EXOSC9: variants seen among roughly 807,000 people sequenced by gnomAD.
EXOSC9 encodes the protein exosome complex component RRP45.
A neutral mutation model predicts 56.5 loss-of-function variants in EXOSC9; 38 were observed. The ratio of observed to expected loss-of-function variants is 0.67; its 90% CI spans 0.52 to 0.88. The LOEUF is 0.88. EXOSC9 is among the 40% of genes least tolerant of loss of function. The pLI is 0.00. For missense variants in EXOSC9, 559 were observed against 530.5 expected (o/e 1.05, Z -0.53); for synonymous variants, 170 against 170.8 (o/e 0.99, Z 0.04).
chr4:121,816,860 T>TAACA lies in EXOSC9; in HGVS notation c.*5_*8dup, dbSNP rs746570518. ...AAAGAAGAGAGCTGCCAATTAAAGC[T>TAACA]AACAGTTGTATATCTGTATATATAA... On this transcript the variant is annotated 3_prime_UTR_variant, in exon 12 of 12. Transcript: ENST00000243498. 71 of 1,574,658 alleles carry TAACA rather than the reference T, an allele frequency of 4.5e-5. No homozygotes were observed. The highest frequency in any genetic ancestry group is 4.4e-4 in the South Asian group (38 of 86,392).
In EXOSC9 at chr4:121,804,622, G is replaced by T. The variant is rs771753934; in HGVS notation, c.385G>T (p.Val129Phe). The change falls in exon 5 of 12, where the codon GTT becomes TTT. Residue 129 changes from valine (V) to phenylalanine (F), a missense_variant and splice_region_variant. Physicochemically the swap from Val to Phe is conservative, Grantham distance 50. Coordinates refer to ENST00000243498, the MANE Select transcript of EXOSC9 (RefSeq NM_005033.3). ...ATTTTTATTTTAAATTCACTATCAG[G>T]TTTGGCAAATACGTGTAGACCTACA... ...ESLCVVAGEKVWQIRVDLHLL... is the reference protein window; with the variant it reads ...ESLCVVAGEKFWQIRVDLHLL... 4 of 1,565,208 alleles carry T rather than the reference G, an allele frequency of 2.6e-6. No homozygotes were observed. The Admixed American group carries it at 5.1e-5, about 20-fold the overall frequency.
In EXOSC9 at chr4:121,816,354, A is replaced by G; in HGVS notation, c.1157-15A>G. The G allele has an allele frequency of 7.2e-7, 1 of 1,385,204 alleles. No homozygotes were observed. Among genetic ancestry groups the G allele is most frequent in the Non-Finnish European group, 9.8e-7 (1 of 1,016,482 alleles). The allele number at this position is 1,385,204 out of a possible 1,614,324, so 85.8% of individuals were successfully genotyped here. ...TAACTTTTTTTTTTTTTTTTAAATT[A>G]ATAAAAAAACAAAGATGCTCCCATA... On this transcript the variant is annotated splice_polypyrimidine_tract_variant and intron_variant, in intron 10 of 11. Transcript: ENST00000243498.
intron 5 of EXOSC9, among the ~76,000 whole-genome samples, chr4:121,805,104 C>G (rs1313105531): frequency 1.3e-5 from 2 of 152,168 alleles, no homozygotes; most frequent in Non-Finnish European, 2.9e-5. Context: ...GCTTACCCTG[C>G]AAGAGGCATG....
intron 8 of EXOSC9, 119 bp from the exon 9 acceptor site, chr4:121,813,115 T>A (rs1396162697): frequency 2.2e-6 from 2 of 914,004 alleles, no homozygotes; most frequent in Non-Finnish European, 3.3e-6. Flanking sequence ...AAACTAACTC[T>A]CTTCCAATAT....
intron 10 of EXOSC9, chr4:121,816,089 G>T: frequency 1.5e-6 from 1 of 668,648 alleles, no homozygotes; most frequent in South Asian, 2.3e-5. Flanking sequence ...TCGAGTAGCT[G>T]GGCCTACAAG....
At chr4:121,816,663 C>A in intron 11 of EXOSC9, 109 bp from the exon 12 acceptor site, 1 of 1,136,994 alleles carries the variant, frequency 8.8e-7, no homozygotes, top group Non-Finnish European at 1.2e-6. Flanking sequence ...CAGTCTTACT[C>A]ATAGCTGACA....
intron 4 of EXOSC9, among the ~76,000 whole-genome samples, chr4:121,804,199 A>C (rs1726954101): frequency 7.5e-6 from 1 of 132,476 alleles, no homozygotes; most frequent in African/African-American, 2.9e-5. Flanking sequence ...TTTTTTGTAG[A>C]GATAGGGTCT....
At chr4:121,803,488 C>A (rs1461559505) in intron 4 of EXOSC9, among the ~76,000 whole-genome samples, 1 of 152,106 alleles carries the variant, frequency 6.6e-6, no homozygotes, top group Admixed American at 6.5e-5. Flanking sequence ...CTTTGAAAAT[C>A]TTAGTCCCAA....
At position 121,810,320 on chromosome 4, in the gene EXOSC9, G is replaced by A. The variant is rs114419431; in HGVS notation, c.738+221G>A. ...TTGGTGCTCCCGTGTCTGGCCTGCT[G>A]GAGTCTGACCCTTCCACCTAGAAGC... is the stretch of plus-strand genomic sequence containing the variant. On this transcript the variant is annotated intron_variant, in intron 7 of 11. Transcript: ENST00000243498. Among the ~76,000 whole-genome samples, 1,046 of 151,996 alleles carry A rather than the reference G, an allele frequency of 6.9e-3. 9 individuals are homozygous for A. The highest frequency in any genetic ancestry group is 0.024 in the African/African-American group (997 of 41,422).
At chr4:121,815,452 C>G (rs1158772009) in intron 10 of EXOSC9, 1 of 984,942 alleles carries the variant, frequency 1.0e-6, no homozygotes, top group Non-Finnish European at 1.2e-6. Context: ...AGCATGTGAA[C>G]AAAGGGAGAA....
chr4:121,812,715 T>C (rs183376119), intron 8 of EXOSC9, among the ~76,000 whole-genome samples: 1 of 152,208 alleles, frequency 6.6e-6, no homozygotes, highest in Non-Finnish European at 1.5e-5. Context: ...GGTCTCAAAC[T>C]CCTGACCTCA....
chr4:121,801,491 G>T lies in EXOSC9; in HGVS notation c.66+1G>T. ...ACTCCGTGCCATCGAAGAGAAGAAG[G>T]TATGGTTTGGTGCCCGCAGAATTGC... On this transcript the variant is annotated splice_donor_variant, in intron 1 of 11. Coordinates refer to ENST00000243498, the MANE Select transcript of EXOSC9 (RefSeq NM_005033.3). LOFTEE classifies it high-confidence loss of function. 2 of 1,614,174 alleles carry T rather than the reference G, an allele frequency of 1.2e-6. No individual in the cohort carries two copies. The highest frequency in any genetic ancestry group is 1.7e-6 in the Non-Finnish European group (2 of 1,179,980).
rs1207372316 is a variant in EXOSC9, at chr4:121,809,973, T to C, written c.612T>C (p.Tyr204=). ...CATTTAACATTCATTTCAGAACATA[T>C]TTATTGGTGGATCCCAATGAACGAG... ...VSFAFFQQGT[Y]LLVDPNEREE... is the part of the protein sequence containing the mutation. Residue 204 remains tyrosine, a synonymous_variant, in exon 7 of 12, where the codon TAT becomes TAC. Transcript: ENST00000243498. 6.2e-7 allele frequency: 1 copy of C among 1,614,158 alleles called. No individual in the cohort carries two copies. The highest frequency in any genetic ancestry group is 1.1e-5 in the South Asian group (1 of 91,086).
At chr4:121,802,612 T>G in intron 2 of EXOSC9, 62 bp from the exon 3 acceptor site, 1 of 1,543,308 alleles carries the variant, frequency 6.5e-7, no homozygotes, top group Non-Finnish European at 8.8e-7. Flanking sequence ...GTTATCTGTT[T>G]CAGTTTTTTG....
At chr4:121,816,502 G>T (rs1038516018) in intron 11 of EXOSC9, 55 bp downstream of exon 11, 47 of 1,173,374 alleles carry the variant, frequency 4.0e-5, no homozygotes, top group South Asian at 3.2e-4. Flanking sequence ...ACTTATAGAG[G>T]TTTGCTCTCT....
chr4:121,816,230 A>AT, intron 10 of EXOSC9, 139 bp from the exon 11 acceptor site: 1 of 629,412 alleles, frequency 1.6e-6, no homozygotes, highest in South Asian at 2.3e-5. Flanking sequence ...AAATGTGGGT[A>AT]TTAAAAGTGT....
intron 10 of EXOSC9, 95 bp from the exon 11 acceptor site, chr4:121,816,274 T>C (rs1013710380): frequency 2.6e-6 from 2 of 760,236 alleles, no homozygotes; most frequent in East Asian, 3.0e-5. Flanking sequence ...AATAAGAGTT[T>C]AGAACGTCTG....
intron 9 of EXOSC9, 39 bp from the exon 10 acceptor site, chr4:121,813,827 A>G (rs1278947627): frequency 7.1e-7 from 1 of 1,401,524 alleles, no homozygotes; most frequent in South Asian, 1.2e-5. Flanking sequence ...TTCATCAAAT[A>G]GCAATATTTT....
intron 8 of EXOSC9, 105 bp from the exon 9 acceptor site, chr4:121,813,129 T>A (rs1161096009): frequency 1.9e-6 from 2 of 1,063,240 alleles, no homozygotes; most frequent in Non-Finnish European, 2.7e-6. Context: ...CCAATATTTT[T>A]CATCCACCAA....
Sources: allele counts gnomAD v4.1 joint callset (sites outside exome capture counted in the v4.1 genomes callset), GRCh38; gene constraint gnomAD v4.1.1; transcripts MANE v1.5; gene names NCBI Gene and HGNC (gene_info 2026-07-23, HGNC 2026-07-21).